The following DDAH1 variants were observed in gnomAD, a reference collection of about 807,000 sequenced individuals.
The protein encoded by DDAH1 is dimethylarginine dimethylaminohydrolase 1, also known as N(G),N(G)-dimethylarginine dimethylaminohydrolase 1.
DDAH1 carries 19 observed loss-of-function variants against 28.8 expected under a neutral mutation model. The observed-to-expected ratio is 0.66, with a 90% CI of 0.46 to 0.97. DDAH1 has a LOEUF of 0.97. Among genes scored for constraint, DDAH1 ranks in the 50% least tolerant of loss-of-function variants. The probability of loss-of-function intolerance (pLI) is 0.00; values close to 1 mark genes in which losing one functional copy is unlikely to be tolerated. For missense variants in DDAH1, 326 were observed against 375.9 expected (o/e 0.87, Z 1.10); for synonymous variants, 153 against 154.4 (o/e 0.99, Z 0.07).
rs1557679976 is a variant in DDAH1, at chr1:85,483,260, T to C, written c.-7+12906A>G. ...CTCTTAAAAAATAACATTCCCCTTA[T>C]TTTGTCCCCTTATTTTGACCAACAC... On this transcript the variant is annotated intron_variant, in intron 2 of 6. Coordinates refer to the DDAH1 transcript ENST00000426972. Among the ~76,000 whole-genome samples, 3 of 148,318 alleles carry C rather than the reference T, an allele frequency of 2.0e-5. No individual in the cohort carries two copies. The Admixed American group carries it at 2.1e-4, about 10-fold the overall frequency.
At chr1:85,559,150 C>G (rs193155944) in intron 1 of DDAH1, among the ~76,000 whole-genome samples, 1 of 152,240 alleles carries the variant, frequency 6.6e-6, no homozygotes, top group East Asian at 1.9e-4. Context: ...GAAGTCATCT[C>G]TGACCATTGC....
At chr1:85,474,898 G>C (rs182156604) in intron 2 of DDAH1, among the ~76,000 whole-genome samples, 253 of 152,206 alleles carry the variant, frequency 1.7e-3, no homozygotes, top group Middle Eastern at 6.8e-3. Flanking sequence ...GAGGGTTCAT[G>C]GTCAGGGTTT....
At position 85,358,863 on chromosome 1, in the gene DDAH1, T is replaced by C; in HGVS notation, c.304-16A>G. The C allele has an allele frequency of 6.5e-7, 1 of 1,542,412 alleles. No individual in the cohort carries two copies. The highest frequency in any genetic ancestry group is 8.9e-7 in the Non-Finnish European group (1 of 1,128,488). On this transcript the variant is annotated splice_polypyrimidine_tract_variant and intron_variant, in intron 1 of 5. Coordinates refer to ENST00000284031, the MANE Select transcript of DDAH1 (RefSeq NM_012137.4). ...TCATGTCAACCTGTTGAAAATAAAA[T>C]GATTCAGATTACTATGCTACAATTT...
chr1:85,439,971 C>T (rs932199722), intron 1 of DDAH1, among the ~76,000 whole-genome samples: 3 of 152,110 alleles, frequency 2.0e-5, no homozygotes, highest in Admixed American at 6.5e-5. Context: ...TGTCATAGTT[C>T]TACATAAAGA....
chr1:85,563,890 A>T (rs753565097), intron 1 of DDAH1, among the ~76,000 whole-genome samples: 7 of 152,246 alleles, frequency 4.6e-5, no homozygotes, highest in Non-Finnish European at 8.8e-5. Context: ...TACAATGTCT[A>T]GAGCTGGGCG....
At chr1:85,400,349 G>C (rs1287209067) in intron 1 of DDAH1, among the ~76,000 whole-genome samples, 2 of 151,618 alleles carry the variant, frequency 1.3e-5, no homozygotes, top group African/African-American at 4.8e-5. Context: ...GTGCCACTAT[G>C]CCCAGCTTTT....
chr1:85,496,731 CT>C (rs1656608346), intron 1 of DDAH1, among the ~76,000 whole-genome samples: 1 of 152,152 alleles, frequency 6.6e-6, no homozygotes, highest in African/African-American at 2.4e-5. Context: ...AGAACTGAAG[CT>C]GCTTTGTTTC....
intron 2 of DDAH1, among the ~76,000 whole-genome samples, chr1:85,472,666 T>A (rs1655655277): frequency 6.6e-6 from 1 of 152,154 alleles, no homozygotes; most frequent in South Asian, 2.1e-4. Flanking sequence ...TATAAATATG[T>A]TGAGTTTTAA....
chr1:85,504,022 G>T (rs1483916795), intron 1 of DDAH1, among the ~76,000 whole-genome samples: 2 of 152,196 alleles, frequency 1.3e-5, no homozygotes, highest in East Asian at 3.9e-4. Context: ...ACAGGGAAAG[G>T]ATTGGAAGGT....
chr1:85,577,351 G>T (rs1416418212), intron 1 of DDAH1, among the ~76,000 whole-genome samples: 3 of 152,248 alleles, frequency 2.0e-5, no homozygotes, highest in Admixed American at 2.0e-4. Context: ...GTAGAGGAGA[G>T]AAATGGGATG....
At chr1:85,426,820 G>C (rs907117901) in intron 1 of DDAH1, among the ~76,000 whole-genome samples, 1 of 147,218 alleles carries the variant, frequency 6.8e-6, no homozygotes, top group Non-Finnish European at 1.5e-5. Flanking sequence ...GCTGAGGCAG[G>C]AGCATTGCTT....
At chr1:85,513,650 T>C (rs978219564) in intron 1 of DDAH1, among the ~76,000 whole-genome samples, 1 of 151,778 alleles carries the variant, frequency 6.6e-6, no homozygotes, top group Non-Finnish European at 1.5e-5. Context: ...CAAACAAATT[T>C]ACAAGAAAAA....
intron 1 of DDAH1, chr1:85,576,922 G>A (rs1280470769): frequency 6.5e-6 from 1 of 152,944 alleles, no homozygotes; most frequent in Non-Finnish European, 1.5e-5. Flanking sequence ...GGAACGCGGC[G>A]GCCGCAAGCC....
intron 1 of DDAH1, among the ~76,000 whole-genome samples, chr1:85,545,960 A>G (rs991730401): frequency 6.6e-6 from 1 of 152,104 alleles, no homozygotes; most frequent in African/African-American, 2.4e-5. Flanking sequence ...TGGCATGTCA[A>G]CTTTCTTATT....
At chr1:85,491,679 C>T (rs79748119) in intron 2 of DDAH1, among the ~76,000 whole-genome samples, 79 of 152,230 alleles carry the variant, frequency 5.2e-4, no homozygotes, top group South Asian at 5.0e-3. Context: ...GTTGGAATTC[C>T]GTCATTTGCA....
intron 1 of DDAH1, among the ~76,000 whole-genome samples, chr1:85,411,334 A>C (rs1275844623): frequency 1.3e-5 from 2 of 152,206 alleles, no homozygotes; most frequent in Non-Finnish European, 2.9e-5. Context: ...AACAAACGAC[A>C]AGTGTTAAGG....
At chr1:85,384,483 G>C (rs937851415) in intron 1 of DDAH1, among the ~76,000 whole-genome samples, 4 of 152,150 alleles carry the variant, frequency 2.6e-5, no homozygotes, top group African/African-American at 9.7e-5. Context: ...TGGGAAAATT[G>C]TAATCTCAAT....
At chr1:85,352,796 T>C (rs1402866276) in intron 2 of DDAH1, among the ~76,000 whole-genome samples, 2 of 152,210 alleles carry the variant, frequency 1.3e-5, no homozygotes, top group Non-Finnish European at 2.9e-5. Context: ...ATGGTAAAAA[T>C]GGTTTTGTTA....
chr1:85,541,142 T>C (rs538946567), intron 1 of DDAH1, among the ~76,000 whole-genome samples: 68 of 152,228 alleles, frequency 4.5e-4, no homozygotes, highest in Non-Finnish European at 8.5e-4. Flanking sequence ...AATTGAGATG[T>C]CGTGTTTCAA....
Sources: gnomAD v4.1 joint callset for allele counts (sites outside exome capture counted in the v4.1 genomes callset) on GRCh38, gnomAD v4.1.1 for gene constraint, MANE v1.5 for transcripts, NCBI Gene and HGNC (gene_info 2026-07-23, HGNC 2026-07-21) for gene names.